The following KCTD19 variants were observed in gnomAD, a reference collection of about 807,000 sequenced individuals.
KCTD19 encodes potassium channel tetramerization domain containing 19.
A neutral mutation model predicts 103.5 loss-of-function variants in KCTD19; 67 were observed. That is an observed-to-expected ratio of 0.65 (90% CI 0.53 to 0.79). The LOEUF is 0.79. Ranked by LOEUF, KCTD19 falls within the 30% of genes least tolerant of loss-of-function variation. KCTD19 has a pLI of 0.00. For synonymous variants in KCTD19, 439 were observed against 452.2 expected, an observed-to-expected ratio of 0.97 and a Z score of 0.37; for missense variants, 980 against 1,136.1, an observed-to-expected ratio of 0.86 and a Z score of 1.98.
At chr16:67,305,689 G>A (rs748367151) in intron 2 of KCTD19, 1 of 428,794 alleles carries the variant, frequency 2.3e-6, no homozygotes, top group African/African-American at 2.1e-5. Flanking sequence ...AAGATACATA[G>A]TATTTTCCCA....
At chr16:67,294,941 C>T (rs1387585726) in intron 10 of KCTD19, 32 bp downstream of exon 10, 1 of 1,537,076 alleles carries the variant, frequency 6.5e-7, no homozygotes, top group Admixed American at 1.7e-5. Flanking sequence ...GGACCAAATT[C>T]TAAACATAGA....
chr16:67,294,300 G>T (rs1230723308), intron 11 of KCTD19, 129 bp from the exon 12 acceptor site: 19 of 1,063,376 alleles, frequency 1.8e-5, no homozygotes, highest in Middle Eastern at 3.0e-4. Flanking sequence ...CCTGACAGGG[G>T]TCACCCATTT....
At position 67,303,540 on chromosome 16, in the gene KCTD19, G is replaced by A. The variant is rs1286555289; in HGVS notation, c.452-203C>T. On this transcript the variant is annotated intron_variant, in intron 3 of 15. Transcript: ENST00000304372. This position sits in a 1 kb window ranked among gnomAD's most constrained non-coding sequence, Gnocchi z 4.3. ...GTGTGGTAGGGAGTGGGGCATGGAA[G>A]TCTATTTTTTTTTCTTTTCTTTTTT... Among the ~76,000 whole-genome samples, 1 of 148,332 alleles carries A rather than the reference G, an allele frequency of 6.7e-6. No individual in the cohort carries two copies. Among genetic ancestry groups the A allele is most frequent in the Non-Finnish European group, 1.5e-5 (1 of 67,978 alleles).
intron 13 of KCTD19, 41 bp downstream of exon 13, chr16:67,291,605 C>T: frequency 1.3e-6 from 2 of 1,594,146 alleles, no homozygotes; most frequent in African/African-American, 2.7e-5. Flanking sequence ...CAGGCATCCT[C>T]ACGAGGAGGC....
At chr16:67,291,138 C>T (rs1051921461) in intron 14 of KCTD19, 152 bp from the exon 15 acceptor site, 15 of 1,161,664 alleles carry the variant, frequency 1.3e-5, no homozygotes, top group Non-Finnish European at 1.8e-5. Flanking sequence ...GAGGCTCAGT[C>T]CAGGTGCAAC....
At chr16:67,315,943 C>G (rs1418934171) in intron 2 of KCTD19, among the ~76,000 whole-genome samples, 1 of 152,128 alleles carries the variant, frequency 6.6e-6, no homozygotes, top group Non-Finnish European at 1.5e-5. Flanking sequence ...TAAGTTCTTT[C>G]CCCAGATACC....
chr16:67,324,724 G>GC (rs1322507721), intron 1 of KCTD19, among the ~76,000 whole-genome samples: 1 of 152,194 alleles, frequency 6.6e-6, no homozygotes, highest in Non-Finnish European at 1.5e-5. Context: ...ATAAATGCAT[G>GC]CAAGAAAGAA....
rs1259909819 is a variant in KCTD19, at chr16:67,293,607, A to G, written c.2155T>C (p.Tyr719His). Reference protein sequence around the residue: ...DKGPEPTFKPYLPPKRAGTLK... With the variant: ...DKGPEPTFKPHLPPKRAGTLK... ...GTGCCAGCTCTTTTTGGGGGTAAGT[A>G]TGGCTTGAAGGTTGGCTCTGGCCCC... is the stretch of plus-strand genomic sequence containing the variant. The change falls in exon 12 of 16, where the codon TAC becomes CAC. Residue 719 changes from tyrosine (Y) to histidine (H), a missense_variant. Coordinates refer to ENST00000304372, the MANE Select transcript of KCTD19 (RefSeq NM_001100915.3). This position sits in a 1 kb window ranked among gnomAD's most constrained non-coding sequence, Gnocchi z 4.0. The G allele has an allele frequency of 6.2e-7, 1 of 1,613,448 alleles. No homozygotes were observed. The highest frequency in any genetic ancestry group is 8.5e-7 in the Non-Finnish European group (1 of 1,179,932).
chr16:67,320,875 C>A lies in KCTD19; in HGVS notation c.14G>T (p.Gly5Val). Residue 5 changes from glycine to valine, a missense_variant, in exon 2 of 16, where the codon GGC (glycine) becomes GTC (valine). By Grantham distance (109) the Gly-to-Val change is moderately radical. Coordinates refer to ENST00000304372, the MANE Select transcript of KCTD19 (RefSeq NM_001100915.3). This position sits in a 1 kb window ranked among gnomAD's most constrained non-coding sequence, Gnocchi z 4.0. ...GTCCTCTGCTGATTCATGAGCCATG[C>A]CAGACTCCTCCTAAAGGGGGAATGA... is the stretch of plus-strand genomic sequence containing the variant. The part of the protein sequence containing the change: MEES[G>V]MAHESAEDLF... The A allele has an allele frequency of 1.2e-6, 2 of 1,611,156 alleles. No individual in the cohort carries two copies. Among genetic ancestry groups the A allele is most frequent in the Admixed American group, 1.7e-5 (1 of 59,512 alleles).
intron 2 of KCTD19, among the ~76,000 whole-genome samples, chr16:67,313,953 C>T (rs1160724807): frequency 6.6e-6 from 1 of 151,864 alleles, no homozygotes; most frequent in Non-Finnish European, 1.5e-5. Flanking sequence ...AACTCCTGGG[C>T]TCATATGATC....
rs74507704 is a variant in KCTD19, at chr16:67,323,891, C to CAAAA, written c.3+2810_3+2813dup. Reference sequence around the variant, plus strand: ...TGTGAATTATATCTCAATAGATCTACAAAAAAAAAAAAAGATGAGGTACTG... The same window carrying CAAAA: ...TGTGAATTATATCTCAATAGATCTACAAAAAAAAAAAAAAAAAGATGAGGTACTG... On this transcript the variant is annotated intron_variant, in intron 1 of 15. Transcript: ENST00000304372. This position sits in a 1 kb window ranked among gnomAD's most constrained non-coding sequence, Gnocchi z 4.1. Among the ~76,000 whole-genome samples, 1 of 126,078 alleles carries CAAAA rather than the reference C, an allele frequency of 7.9e-6. No individual in the cohort carries two copies. The highest frequency in any genetic ancestry group is 2.2e-4 in the East Asian group (1 of 4,496). 82.7% of individuals were successfully genotyped at this position (126,078 alleles called of 152,430 possible). A position where few individuals can be genotyped will look rare whatever the true frequency, so the allele number is the denominator to read the frequency against.
At chr16:67,292,406 T>G (rs1437678502) in intron 12 of KCTD19, among the ~76,000 whole-genome samples, 1 of 152,150 alleles carries the variant, frequency 6.6e-6, no homozygotes, top group Non-Finnish European at 1.5e-5. Flanking sequence ...TCCTGAACAT[T>G]TTGGAACTCG....
chr16:67,294,659 T>G lies in KCTD19; in HGVS notation c.1511A>C (p.Glu504Ala), dbSNP rs368801418. 4.4e-6 allele frequency: 7 copies of G among 1,608,900 alleles called. No individual in the cohort carries two copies. Among genetic ancestry groups the G allele is most frequent in the Admixed American group, 1.7e-5 (1 of 59,820 alleles). Residue 504 changes from glutamate to alanine, a missense_variant, in exon 11 of 16, where the codon GAA becomes GCA. By Grantham distance (107) the Glu-to-Ala change is moderately radical (BLOSUM62 -1). Transcript: ENST00000304372. ...WTQEKESENE[E>A]AFSIRRLHVV... is the part of the protein sequence containing the mutation. ...ATGCAGCCTCCTGATGGAAAAAGCTTCTTCATTTTCAGATTCTTTCTCCTG... is the reference window on the plus strand; with the variant it reads ...ATGCAGCCTCCTGATGGAAAAAGCTGCTTCATTTTCAGATTCTTTCTCCTG...
intron 2 of KCTD19, among the ~76,000 whole-genome samples, chr16:67,318,850 G>T (rs1473248170): frequency 6.6e-6 from 1 of 151,368 alleles, no homozygotes; most frequent in Non-Finnish European, 1.5e-5. Flanking sequence ...CCATTCCTGG[G>T]GCAGTTGAAA....
At position 67,326,645 on chromosome 16, in the gene KCTD19, C is replaced by G. The variant is rs1359382334; in HGVS notation, c.3+60G>C. On this transcript the variant is annotated intron_variant, in intron 1 of 15. Transcript: ENST00000304372. ...ACCACTTAGCCCCAATCCTTGGCCA[C>G]AGCGGCCCCCATTCGCCGCTTTGGT... is the stretch of plus-strand genomic sequence containing the variant. The G allele has an allele frequency of 2.6e-6, 4 of 1,555,656 alleles. No homozygotes were observed. In the African/African-American group the frequency reaches 4.2e-5, roughly 16 times the overall value.
rs539526035 is a variant in KCTD19, at chr16:67,302,228, C to G, written c.644-306G>C. The G allele has an allele frequency of 5.3e-5, 15 of 285,508 alleles. No individual in the cohort carries two copies. In the South Asian group the frequency reaches 6.2e-4, roughly 12 times the overall value. 17.7% of individuals were successfully genotyped at this position (285,508 alleles called of 1,614,324 possible). A position where few individuals can be genotyped will look rare whatever the true frequency, so the allele number is the denominator to read the frequency against. The stretch of plus-strand genomic sequence containing the variant: ...TGAGACTTACCCTGTGAGTTTTGAC[C>G]CAAGAGCAGGTCATTCCAAAAGAGG... On this transcript the variant is annotated intron_variant, in intron 4 of 15. Coordinates refer to ENST00000304372, the MANE Select transcript of KCTD19 (RefSeq NM_001100915.3).
chr16:67,320,489 A>C lies in KCTD19; in HGVS notation c.300+100T>G, dbSNP rs1425957903. ...ACACACTTATTACATTTGCCCATTA[A>C]GAGGGTCATCTCAGCAACCAATATA... is the stretch of plus-strand genomic sequence containing the variant. On this transcript the variant is annotated intron_variant, in intron 2 of 15. Transcript: ENST00000304372. The surrounding 1 kb of genome is among the most constrained non-coding windows in gnomAD (Gnocchi z 4.0). 8.7e-6 allele frequency: 10 copies of C among 1,149,592 alleles called. No homozygotes were observed. Among genetic ancestry groups the C allele is most frequent in the Non-Finnish European group, 1.3e-5 (10 of 797,106 alleles). 71.2% of individuals were successfully genotyped at this position (1,149,592 alleles called of 1,614,324 possible).
Position 67,291,347 on chromosome 16 carries a change from T to A in KCTD19, c.2527A>T (p.Ile843Phe). ...GCCAGGGAGACCACCTTGGCTGTGATGGCTTTGGGGTCCTTTTGCCTGATG... is the reference window on the plus strand; with the variant it reads ...GCCAGGGAGACCACCTTGGCTGTGAAGGCTTTGGGGTCCTTTTGCCTGATG... ...DSIRQKDPKA[I>F]TAKVVSLANR... Residue 843 changes from isoleucine (I) to phenylalanine (F), a missense_variant, in exon 14 of 16, where the codon ATC (isoleucine) becomes TTC (phenylalanine). By Grantham distance (21) the Ile-to-Phe change is conservative. Coordinates refer to ENST00000304372, the MANE Select transcript of KCTD19 (RefSeq NM_001100915.3). The A allele has an allele frequency of 6.2e-7, 1 of 1,614,118 alleles. No individual in the cohort carries two copies. The highest frequency in any genetic ancestry group is 1.1e-5 in the South Asian group (1 of 91,078).
intron 12 of KCTD19, among the ~76,000 whole-genome samples, chr16:67,292,772 G>T (rs1276755960): frequency 6.6e-6 from 1 of 152,162 alleles, no homozygotes; most frequent in Non-Finnish European, 1.5e-5. Flanking sequence ...TGTAGCCCCT[G>T]CTGTCTCCTG....
Sources: gnomAD v4.1 joint callset for allele counts (sites outside exome capture counted in the v4.1 genomes callset) on GRCh38, gnomAD v4.1.1 for gene constraint, Gnocchi (gnomAD v3.1) non-coding constraint, MANE v1.5 for transcripts, NCBI Gene and HGNC (gene_info 2026-07-23, HGNC 2026-07-21) for gene names.